CALD1: variants seen among roughly 807,000 people sequenced by gnomAD.
The protein encoded by CALD1 is caldesmon 1.
CALD1 carries 33 observed loss-of-function variants against 99.9 expected under a neutral mutation model. The ratio of observed to expected loss-of-function variants is 0.33; its 90% CI spans 0.25 to 0.44. CALD1 has a LOEUF of 0.44. CALD1 is among the 20% of genes least tolerant of loss of function. CALD1 has a pLI of 1.00. For missense variants in CALD1, 861 were observed against 962.1 expected, an observed-to-expected ratio of 0.89 and a Z score of 1.39; for synonymous variants, 310 against 325.0, an observed-to-expected ratio of 0.95 and a Z score of 0.50.
In CALD1 at chr7:134,964,022, C is replaced by A. The variant is rs558202408; in HGVS notation, c.2296-1284C>A. 1.1e-4 allele frequency among the ~76,000 whole-genome samples: 16 copies of A among 152,220 alleles called. 1 individual carries two copies. The South Asian group carries it at 1.9e-3, about 18-fold the overall frequency. The stretch of plus-strand genomic sequence containing the variant: ...GACCATCCTGGCTAACATGGTGAAA[C>A]CCCATCTCTACTAAAAATACAAAAA... On this transcript the variant is annotated intron_variant, in intron 13 of 14. Coordinates refer to ENST00000361675, the MANE Select transcript of CALD1 (RefSeq NM_033138.4).
At chr7:134,767,036 CAG>C (rs1446219008) in intron 1 of CALD1, among the ~76,000 whole-genome samples, 1 of 152,124 alleles carries the variant, frequency 6.6e-6, no homozygotes, top group Non-Finnish European at 1.5e-5. Flanking sequence ...TGTTTACAGA[CAG>C]AGAGGAGGGA....
At chr7:134,749,085 C>A (rs926593666) in intron 1 of CALD1, among the ~76,000 whole-genome samples, 1 of 152,170 alleles carries the variant, frequency 6.6e-6, no homozygotes, top group African/African-American at 2.4e-5. Context: ...TTATAAGCCA[C>A]CCAGTTTATA....
intron 6 of CALD1, among the ~76,000 whole-genome samples, chr7:134,937,918 G>A (rs1195263930): frequency 2.0e-5 from 3 of 152,082 alleles, no homozygotes; most frequent in African/African-American, 7.2e-5. Context: ...TCTCTTTTTG[G>A]TTCTTCATGC....
chr7:134,759,064 G>A (rs1031911707), intron 1 of CALD1, among the ~76,000 whole-genome samples: 1 of 152,144 alleles, frequency 6.6e-6, no homozygotes, highest in Non-Finnish European at 1.5e-5. Flanking sequence ...TTTCTAGTTA[G>A]TGTACTGTGA....
Position 134,933,439 on chromosome 7 carries a change from G to A in CALD1, c.670G>A (p.Val224Met). Residue 224 changes from valine (V) to methionine (M), a missense_variant, in exon 5 of 15, where the codon GTG becomes ATG. Val to Met is a conservative substitution (Grantham distance 21). Transcript: ENST00000361675. ...AACAACTGAAAGCCAGGAGGAAACA[G>A]TGGTAATGTCATTAAAAAATGGGCA... is the stretch of plus-strand genomic sequence containing the variant. ...EKTTESQEETVVMSLKNGQIS... is the reference protein window; with the variant it reads ...EKTTESQEETMVMSLKNGQIS... 5 of 1,613,896 alleles carry A rather than the reference G, an allele frequency of 3.1e-6. No individual in the cohort carries two copies. The highest frequency in any genetic ancestry group is 4.2e-6 in the Non-Finnish European group (5 of 1,179,924).
intron 3 of CALD1, among the ~76,000 whole-genome samples, chr7:134,926,855 C>T (rs1805060592): frequency 6.6e-6 from 1 of 152,114 alleles, no homozygotes; most frequent in African/African-American, 2.4e-5. Flanking sequence ...ATATGGTTAA[C>T]AATTTTAACA....
chr7:134,935,278 AAG>A (rs1805874408), intron 5 of CALD1, among the ~76,000 whole-genome samples: 5 of 152,186 alleles, frequency 3.3e-5, no homozygotes, highest in Admixed American at 2.6e-4. Flanking sequence ...AAAAGAAAAA[AAG>A]AGATGCTTTC....
At chr7:134,774,169 C>CAAA (rs5887704) in intron 1 of CALD1, among the ~76,000 whole-genome samples, 1 of 135,956 alleles carries the variant, frequency 7.4e-6, no homozygotes. Context: ...GATTCCATCT[C>CAAA]AAAAAAAAAA....
intron 3 of CALD1, among the ~76,000 whole-genome samples, chr7:134,924,287 T>C (rs1425746170): frequency 6.6e-6 from 1 of 152,214 alleles, no homozygotes; most frequent in Non-Finnish European, 1.5e-5. Context: ...TTCTCCTTTA[T>C]ATATTTTGAA....
chr7:134,874,174 T>C (rs1182809849), intron 3 of CALD1, among the ~76,000 whole-genome samples: 1 of 152,072 alleles, frequency 6.6e-6, no homozygotes, highest in Non-Finnish European at 1.5e-5. Context: ...TCTTTTTTTC[T>C]TTTTTTCTTT....
intron 1 of CALD1, among the ~76,000 whole-genome samples, chr7:134,760,790 T>A (rs537641768): frequency 2.6e-5 from 4 of 152,294 alleles, no homozygotes; most frequent in African/African-American, 9.6e-5. Flanking sequence ...ATAAAAATAA[T>A]AAAACAAAAC....
chr7:134,880,222 A>T (rs997351860), intron 3 of CALD1, among the ~76,000 whole-genome samples: 1 of 152,178 alleles, frequency 6.6e-6, no homozygotes, highest in Non-Finnish European at 1.5e-5. Flanking sequence ...GGGCTCTCCA[A>T]ATAAAAGCTA....
intron 3 of CALD1, among the ~76,000 whole-genome samples, chr7:134,907,587 C>G (rs1300706182): frequency 3.9e-5 from 6 of 152,100 alleles, no homozygotes; most frequent in Admixed American, 3.3e-4. Context: ...TCCTTGATGG[C>G]ATTTCTAAGT....
intron 2 of CALD1, among the ~76,000 whole-genome samples, chr7:134,847,216 A>G (rs916034337): frequency 6.6e-6 from 1 of 152,208 alleles, no homozygotes; most frequent in Non-Finnish European, 1.5e-5. Flanking sequence ...TGGAGTGGAA[A>G]GAGAAGCTTG....
intron 3 of CALD1, among the ~76,000 whole-genome samples, chr7:134,885,178 C>CT (rs1437196510): frequency 6.6e-6 from 1 of 152,118 alleles, no homozygotes; most frequent in Non-Finnish European, 1.5e-5. Flanking sequence ...GGTGATCCTC[C>CT]TGCCTCTGCC....
intron 9 of CALD1, among the ~76,000 whole-genome samples, chr7:134,951,529 C>A (rs1467850302): frequency 3.3e-5 from 5 of 152,154 alleles, no homozygotes; most frequent in African/African-American, 1.2e-4. Flanking sequence ...TGATTAAAAG[C>A]CAGCTGGAAA....
chr7:134,809,638 GTA>G, intron 1 of CALD1: 1 of 152,290 alleles, frequency 6.6e-6, no homozygotes, highest in South Asian at 2.1e-4. Context: ...GTATAATTGT[GTA>G]TGTTTTTATT....
chr7:134,849,374 T>C (rs1247406102), intron 2 of CALD1, among the ~76,000 whole-genome samples: 1 of 152,246 alleles, frequency 6.6e-6, no homozygotes, highest in Non-Finnish European at 1.5e-5. Context: ...CTGCTTCCTC[T>C]GTATCCATAG....
At chr7:134,865,169 A>AG (rs1800748813) in intron 2 of CALD1, among the ~76,000 whole-genome samples, 1 of 151,976 alleles carries the variant, frequency 6.6e-6, no homozygotes, top group African/African-American at 2.4e-5. Context: ...GACGTAGAAG[A>AG]GAAAAAGAAA....
Sources: allele counts gnomAD v4.1 joint callset (sites outside exome capture counted in the v4.1 genomes callset), GRCh38; gene constraint gnomAD v4.1.1; transcripts MANE v1.5; gene names NCBI Gene and HGNC (gene_info 2026-07-23, HGNC 2026-07-21).